LRBA: variants seen among roughly 807,000 people sequenced by gnomAD.
LRBA encodes the protein LPS responsive beige-like anchor protein.
Under a neutral mutation model 330.0 loss-of-function variants are expected in LRBA, and 176 were observed. The ratio of observed to expected loss-of-function variants is 0.53; its 90% CI spans 0.47 to 0.60. The LOEUF (loss-of-function observed/expected upper bound fraction) is 0.60, where lower values mean the gene tolerates loss of function less well. LRBA is among the 20% of genes least tolerant of loss of function. The pLI is 0.00. For synonymous variants in LRBA, 1,230 were observed against 1,193.0 expected (o/e 1.03, Z -0.64); for missense variants, 3,259 against 3,444.8 (o/e 0.95, Z 1.35).
chr4:150,288,878 T>G (rs1748514648), intron 53 of LRBA, among the ~76,000 whole-genome samples: 1 of 150,680 alleles, frequency 6.6e-6, no homozygotes, highest in Non-Finnish European at 1.5e-5. Flanking sequence ...AATTCCTCAG[T>G]GGAAAGTGAA....
chr4:150,708,500 T>TG (rs937188723), intron 36 of LRBA, among the ~76,000 whole-genome samples: 1 of 151,848 alleles, frequency 6.6e-6, no homozygotes, highest in Non-Finnish European at 1.5e-5. Flanking sequence ...AAAGACTTAA[T>TG]GAATAATCCT....
At chr4:150,859,196 A>G (rs1751596035) in intron 22 of LRBA, among the ~76,000 whole-genome samples, 1 of 152,168 alleles carries the variant, frequency 6.6e-6, no homozygotes, top group African/African-American at 2.4e-5. Flanking sequence ...GAGGAAATCC[A>G]ATTCATATTA....
chr4:150,660,554 C>T (rs1370487951), intron 37 of LRBA, among the ~76,000 whole-genome samples: 1 of 150,420 alleles, frequency 6.6e-6, no homozygotes, highest in Admixed American at 6.6e-5. Flanking sequence ...AGCCACCACC[C>T]GGTCTGGGAG....
intron 40 of LRBA, chr4:150,581,755 CT>C (rs1293015901): frequency 1.3e-5 from 2 of 153,030 alleles, no homozygotes; most frequent in African/African-American, 4.8e-5. Flanking sequence ...TACCCTGTTT[CT>C]TTATCAAGTG....
chr4:150,977,709 CA>C (rs1213868309), intron 2 of LRBA, among the ~76,000 whole-genome samples: 4 of 152,322 alleles, frequency 2.6e-5, no homozygotes, highest in Admixed American at 2.6e-4. Flanking sequence ...GCATTCACCA[CA>C]AGCTAACTGA....
At position 150,425,647 on chromosome 4, in the gene LRBA, T is replaced by A. The variant is rs555902076; in HGVS notation, c.7041+9942A>T. On this transcript the variant is annotated intron_variant, in intron 46 of 56. Transcript: ENST00000651943. ...AACCTTTGCAGCCAGGCTGTATGAT[T>A]CTCCTTTTAATAGTCACCAATTCTA... 2.6e-5 allele frequency among the ~76,000 whole-genome samples: 4 copies of A among 152,240 alleles called. No individual in the cohort carries two copies. The South Asian group carries it at 8.3e-4, about 32-fold the overall frequency.
intron 4 of LRBA, among the ~76,000 whole-genome samples, chr4:150,927,958 G>A (rs1422749060): frequency 6.6e-6 from 1 of 152,132 alleles, no homozygotes; most frequent in African/African-American, 2.4e-5. Flanking sequence ...GATTGGAAAT[G>A]CAACAAAAAT....
intron 40 of LRBA, among the ~76,000 whole-genome samples, chr4:150,507,503 G>A (rs940126543): frequency 3.3e-5 from 5 of 152,138 alleles, no homozygotes; most frequent in Admixed American, 6.5e-5. Context: ...AATAAATGGT[G>A]CTGGGAAAAC....
chr4:150,568,008 T>C (rs747541819), intron 40 of LRBA, among the ~76,000 whole-genome samples: 10 of 151,982 alleles, frequency 6.6e-5, no homozygotes, highest in Non-Finnish European at 1.3e-4. Flanking sequence ...GAAGCATCAG[T>C]TCAAAGAGAG....
At chr4:150,357,984 T>G (rs1738123470) in intron 47 of LRBA, among the ~76,000 whole-genome samples, 1 of 152,022 alleles carries the variant, frequency 6.6e-6, no homozygotes, top group African/African-American at 2.4e-5. Context: ...GACCATAATG[T>G]AAAAACAAAC....
intron 40 of LRBA, among the ~76,000 whole-genome samples, chr4:150,540,825 G>C (rs537441691): frequency 4.9e-4 from 74 of 152,234 alleles, no homozygotes; most frequent in Non-Finnish European, 9.3e-4. Flanking sequence ...AGAAACTAGA[G>C]AGCATAAACT....
intron 28 of LRBA, among the ~76,000 whole-genome samples, chr4:150,838,559 A>C (rs1748534859): frequency 6.6e-6 from 1 of 152,084 alleles, no homozygotes; most frequent in South Asian, 2.1e-4. Context: ...AATCACTGAC[A>C]CCCTTTCTTC....
At chr4:150,340,665 CATCT>C (rs1735402803) in intron 48 of LRBA, among the ~76,000 whole-genome samples, 1 of 152,160 alleles carries the variant, frequency 6.6e-6, no homozygotes, top group Non-Finnish European at 1.5e-5. Flanking sequence ...ACTTGCATTT[CATCT>C]TTCATGAGTT....
intron 2 of LRBA, among the ~76,000 whole-genome samples, chr4:150,974,694 A>T (rs1435519364): frequency 1.3e-5 from 2 of 152,222 alleles, no homozygotes; most frequent in African/African-American, 4.8e-5. Flanking sequence ...AGCCAGACAA[A>T]CTGGAAAAAG....
intron 26 of LRBA, among the ~76,000 whole-genome samples, chr4:150,848,117 C>T (rs376842203): frequency 1.3e-5 from 2 of 152,116 alleles, no homozygotes; most frequent in African/African-American, 4.8e-5. Flanking sequence ...CAGGTTCAAG[C>T]GATTCTGCTG....
intron 34 of LRBA, among the ~76,000 whole-genome samples, chr4:150,765,532 C>A (rs1017081587): frequency 6.6e-6 from 1 of 151,248 alleles, no homozygotes; most frequent in East Asian, 1.9e-4. Context: ...GAAATCTCTA[C>A]CTTTTGATGA....
intron 2 of LRBA, among the ~76,000 whole-genome samples, chr4:150,991,180 G>A (rs530658851): frequency 4.6e-5 from 7 of 152,160 alleles, no homozygotes; most frequent in African/African-American, 1.7e-4. Context: ...TTACTAGAAT[G>A]ACTAAAATTT....
At chr4:150,562,242 T>C (rs922957960) in intron 40 of LRBA, among the ~76,000 whole-genome samples, 2 of 152,232 alleles carry the variant, frequency 1.3e-5, no homozygotes, top group African/African-American at 4.8e-5. Context: ...ACCTCAGCTC[T>C]TTCCATTGTT....
At chr4:150,848,562 G>GAAA (rs9331496) in intron 26 of LRBA, among the ~76,000 whole-genome samples, 1 of 120,044 alleles carries the variant, frequency 8.3e-6, no homozygotes, top group African/African-American at 3.2e-5. Flanking sequence ...GGAGAAAAAA[G>GAAA]AAAAAAAAAA....
Sources: gnomAD v4.1 joint callset for allele counts (sites outside exome capture counted in the v4.1 genomes callset) on GRCh38, gnomAD v4.1.1 for gene constraint, MANE v1.5 for transcripts, NCBI Gene and HGNC (gene_info 2026-07-23, HGNC 2026-07-21) for gene names.